Variants in TBCE observed in about 807,000 individuals in gnomAD.
TBCE encodes tubulin-specific chaperone E.
A neutral mutation model predicts 77.0 loss-of-function variants in TBCE; 53 were observed. The observed-to-expected ratio is 0.69, with a 90% CI of 0.55 to 0.87. The LOEUF is 0.87. TBCE is among the 40% of genes least tolerant of loss of function. The pLI is 0.00. For missense variants in TBCE, 624 were observed against 622.4 expected (o/e 1.00, Z -0.03); for synonymous variants, 235 against 241.3 (o/e 0.97, Z 0.24).
At chr1:235,426,738 C>T (rs575276067) in intron 5 of TBCE, among the ~76,000 whole-genome samples, 12 of 152,326 alleles carry the variant, frequency 7.9e-5, no homozygotes, top group South Asian at 6.2e-4. Flanking sequence ...CTCCGCCTCC[C>T]GGGCTCTAGA....
At chr1:235,395,522 T>C (rs1678669530) in intron 2 of TBCE, among the ~76,000 whole-genome samples, 1 of 151,524 alleles carries the variant, frequency 6.6e-6, no homozygotes. Flanking sequence ...CAGCCTTTAG[T>C]AACCATCATT....
intron 2 of TBCE, among the ~76,000 whole-genome samples, chr1:235,387,969 T>C (rs1678130835): frequency 6.6e-6 from 1 of 152,174 alleles, no homozygotes; most frequent in Non-Finnish European, 1.5e-5. Flanking sequence ...TTGAACAAGA[T>C]ACATGTGGAC....
At chr1:235,406,867 T>A (rs900980420) in intron 3 of TBCE, among the ~76,000 whole-genome samples, 1 of 114,880 alleles carries the variant, frequency 8.7e-6, no homozygotes, top group African/African-American at 3.4e-5. Context: ...GGAGTTTCGC[T>A]CTTGTTGCCC....
At position 235,414,556 on chromosome 1, in the gene TBCE, T is replaced by G. The variant is rs1162828786; in HGVS notation, c.309T>G (p.Ile103Met). Residue 103 changes from isoleucine to methionine, a missense_variant, in exon 4 of 17, where the codon ATT (isoleucine) becomes ATG (methionine). By Grantham distance (10) the Ile-to-Met change is conservative (BLOSUM62 1). Transcript: ENST00000642610. ...DGPEEDRKEQ[I>M]VTIGNKPVET... ...CAGAGGAAGATAGAAAAGAGCAAAT[T>G]GTTACAATTGGAAATAAACCTGTGG... The G allele has an allele frequency of 3.1e-6, 5 of 1,613,928 alleles. No homozygotes were observed. The East Asian group carries it at 1.1e-4, about 36-fold the overall frequency.
intron 3 of TBCE, among the ~76,000 whole-genome samples, chr1:235,408,709 G>T (rs922968801): frequency 3.9e-5 from 6 of 152,118 alleles, no homozygotes; most frequent in African/African-American, 1.4e-4. Flanking sequence ...ATGTTACAGC[G>T]CTGAACACTG....
At chr1:235,437,746 G>C (rs1201010015) in intron 12 of TBCE, among the ~76,000 whole-genome samples, 1 of 151,752 alleles carries the variant, frequency 6.6e-6, no homozygotes, top group Non-Finnish European at 1.5e-5. Context: ...CCTGAGCCCG[G>C]GAGGCCAAGG....
At chr1:235,390,881 G>A (rs1055956313) in intron 2 of TBCE, among the ~76,000 whole-genome samples, 2 of 152,056 alleles carry the variant, frequency 1.3e-5, no homozygotes, top group African/African-American at 4.8e-5. Flanking sequence ...GCTAAGGAGT[G>A]TGCAGCCTCT....
Position 235,449,023 on chromosome 1 carries a change from G to A in TBCE, c.*261G>A, listed in dbSNP as rs1682707732. 2 of 378,604 alleles carry A rather than the reference G, an allele frequency of 5.3e-6. No homozygotes were observed. The highest frequency in any genetic ancestry group is 2.1e-5 in the African/African-American group (1 of 48,186). 23.5% of individuals were successfully genotyped at this position (378,604 alleles called of 1,614,324 possible). ...TTTACAGCTCATCACTGCATTTCAT[G>A]ATAAGATTTAAATATTAAATAGAAA... On this transcript the variant is annotated 3_prime_UTR_variant, in exon 17 of 17. Coordinates refer to ENST00000642610, the MANE Select transcript of TBCE (RefSeq NM_003193.5).
intron 2 of TBCE, among the ~76,000 whole-genome samples, chr1:235,390,075 G>A (rs1257832754): frequency 2.0e-5 from 3 of 151,386 alleles, no homozygotes; most frequent in African/African-American, 4.9e-5. Context: ...GCAGTGAGAC[G>A]AAATGGCATC....
intron 1 of TBCE, among the ~76,000 whole-genome samples, chr1:235,379,310 C>T (rs112630612): frequency 9.2e-5 from 14 of 151,824 alleles, no homozygotes; most frequent in African/African-American, 3.4e-4. Flanking sequence ...GGTGGATCAC[C>T]TGAGATCAGA....
At chr1:235,438,373 C>T (rs1017591350) in intron 12 of TBCE, among the ~76,000 whole-genome samples, 1 of 152,022 alleles carries the variant, frequency 6.6e-6, no homozygotes, top group Non-Finnish European at 1.5e-5. Flanking sequence ...CGGCGAAACC[C>T]CGTCTCTACT....
Position 235,451,030 on chromosome 1 carries a change from C to T in TBCE, c.*2268C>T, listed in dbSNP as rs771934218. The T allele has an allele frequency of 6.6e-5, 10 of 152,086 alleles. No homozygotes were observed. Among genetic ancestry groups the T allele is most frequent in the African/African-American group, 2.4e-4 (10 of 41,346 alleles). The allele number at this position is 152,086 out of a possible 1,614,324, so 9.4% of individuals were successfully genotyped here. On this transcript the variant is annotated 3_prime_UTR_variant, in exon 17 of 17. Coordinates refer to ENST00000642610, the MANE Select transcript of TBCE (RefSeq NM_003193.5). ...ACCTTTATAAAGCATGGCTCAACTC[C>T]GTGATCAAAGAAGAAACAGGGTAGG...
At chr1:235,437,155 A>G (rs569567836) in intron 11 of TBCE, among the ~76,000 whole-genome samples, 167 bp from the exon 12 acceptor site, 1 of 152,032 alleles carries the variant, frequency 6.6e-6, no homozygotes. Context: ...AAAACAAAAA[A>G]CAACAGTAAA....
At chr1:235,367,937 G>A (rs1394651193) in intron 1 of TBCE, among the ~76,000 whole-genome samples, 1 of 152,124 alleles carries the variant, frequency 6.6e-6, no homozygotes, top group Non-Finnish European at 1.5e-5. Context: ...TTGCTCTGTC[G>A]CCCAGGCTGG....
Position 235,391,546 on chromosome 1 carries a change from T to C in TBCE, c.101-9957T>C, listed in dbSNP as rs145700599. ...TATAATGGACACCTGTATATGCTTG[T>C]CATGTCAGTTTAACAATTGTTAACA... On this transcript the variant is annotated intron_variant, in intron 2 of 16. Transcript: ENST00000642610. 5.7e-3 allele frequency among the ~76,000 whole-genome samples: 870 copies of C among 151,414 alleles called. 8 individuals are homozygous for C. The highest frequency in any genetic ancestry group is 0.02 in the African/African-American group (838 of 41,188).
intron 13 of TBCE, among the ~76,000 whole-genome samples, chr1:235,440,280 C>T: frequency 6.7e-6 from 1 of 149,344 alleles, no homozygotes; most frequent in East Asian, 2.1e-4. Context: ...AGGGAAAGCA[C>T]TTCTTAAATG....
intron 1 of TBCE, among the ~76,000 whole-genome samples, chr1:235,369,531 A>AT (rs1207672152): frequency 6.3e-5 from 9 of 143,074 alleles, no homozygotes; most frequent in Admixed American, 1.4e-4. Context: ...AACAAAAAAA[A>AT]CAAAAACTGG....
At chr1:235,417,829 C>T (rs375439923) in intron 4 of TBCE, among the ~76,000 whole-genome samples, 2 of 152,018 alleles carry the variant, frequency 1.3e-5, no homozygotes, top group South Asian at 2.1e-4. Context: ...CAGGCTGGAG[C>T]GCAATGGTGT....
intron 11 of TBCE, 49 bp downstream of exon 11, chr1:235,436,657 C>A: frequency 6.5e-7 from 1 of 1,528,810 alleles, no homozygotes; most frequent in South Asian, 1.1e-5. Context: ...TCTTTCCACT[C>A]TCATGGCAGA....
Sources: allele counts gnomAD v4.1 joint callset (sites outside exome capture counted in the v4.1 genomes callset), GRCh38; gene constraint gnomAD v4.1.1; transcripts MANE v1.5; gene names NCBI Gene and HGNC (gene_info 2026-07-23, HGNC 2026-07-21).